LPP: variants seen among roughly 807,000 people sequenced by gnomAD.
LPP encodes lipoma-preferred partner.
In LPP, 38 loss-of-function variants were observed where a neutral mutation model predicts 60.4. That is an observed-to-expected ratio of 0.63 (90% CI 0.49 to 0.83). The LOEUF is 0.83. Ranked by LOEUF, LPP falls within the 40% of genes least tolerant of loss-of-function variation. The pLI is 0.00. For synonymous variants in LPP, 328 were observed against 290.8 expected (o/e 1.13, Z -1.30); for missense variants, 902 against 783.6 (o/e 1.15, Z -1.80).
At chr3:188,535,367 G>A (rs1238847955) in intron 6 of LPP, among the ~76,000 whole-genome samples, 1 of 152,132 alleles carries the variant, frequency 6.6e-6, no homozygotes, top group Non-Finnish European at 1.5e-5. Flanking sequence ...ATTGTGATGA[G>A]TACCAGACTG....
chr3:188,334,247 C>T (rs1760958691), intron 2 of LPP, among the ~76,000 whole-genome samples: 1 of 152,010 alleles, frequency 6.6e-6, no homozygotes, highest in African/African-American at 2.4e-5. Context: ...ATATATAACA[C>T]ATTTTCTTTG....
chr3:188,399,073 G>A (rs1781627318), intron 3 of LPP, among the ~76,000 whole-genome samples: 1 of 152,200 alleles, frequency 6.6e-6, no homozygotes, highest in Non-Finnish European at 1.5e-5. Flanking sequence ...AAAAGCTTGT[G>A]AGCAGAGTTG....
chr3:188,566,575 C>T (rs1832225575), intron 6 of LPP, among the ~76,000 whole-genome samples: 1 of 151,880 alleles, frequency 6.6e-6, no homozygotes, highest in Non-Finnish European at 1.5e-5. Context: ...CCAACTCTCC[C>T]TCCAACATTC....
At chr3:188,808,081 T>A (rs560371395) in intron 9 of LPP, among the ~76,000 whole-genome samples, 1 of 152,262 alleles carries the variant, frequency 6.6e-6, no homozygotes, top group African/African-American at 2.4e-5. Context: ...TTTGTTGTTG[T>A]TGTTGCTGTG....
intron 11 of LPP, among the ~76,000 whole-genome samples, chr3:188,873,198 C>T (rs1768613469): frequency 6.6e-6 from 1 of 152,144 alleles, no homozygotes; most frequent in South Asian, 2.1e-4. Context: ...TCCTGAACGC[C>T]TCTAGAGCTG....
At chr3:188,849,045 A>C (rs1225306167) in intron 9 of LPP, among the ~76,000 whole-genome samples, 2 of 152,162 alleles carry the variant, frequency 1.3e-5, no homozygotes, top group African/African-American at 2.4e-5. Context: ...ATAATTAAAC[A>C]ATGCTTGCTT....
chr3:188,833,977 T>C (rs931829843), intron 9 of LPP, among the ~76,000 whole-genome samples: 4 of 152,210 alleles, frequency 2.6e-5, no homozygotes, highest in Non-Finnish European at 4.4e-5. Flanking sequence ...CATTTTATTG[T>C]AAGTTTATTT....
intron 4 of LPP, among the ~76,000 whole-genome samples, chr3:188,460,344 A>G (rs1192019467): frequency 6.6e-6 from 1 of 152,200 alleles, no homozygotes; most frequent in Admixed American, 6.6e-5. Context: ...CAAAGAGATC[A>G]AGCAAGATAA....
chr3:188,878,623 A>C lies in LPP; in HGVS notation c.*4144A>C. On this transcript the variant is annotated 3_prime_UTR_variant, in exon 12 of 12. Transcript: ENST00000617246. ...CGTTTGGTGCACTCTCGTGGGAGAC[A>C]ATCAGAGAACAACATATACTTGTGC... The C allele has an allele frequency of 4.8e-6, 1 of 208,074 alleles. No individual in the cohort carries two copies. The highest frequency in any genetic ancestry group is 9.8e-6 in the Non-Finnish European group (1 of 101,740). 12.9% of individuals were successfully genotyped at this position (208,074 alleles called of 1,614,324 possible).
intron 2 of LPP, chr3:188,239,880 C>A (rs1233428948): frequency 4.8e-6 from 1 of 210,172 alleles, no homozygotes; most frequent in Non-Finnish European, 9.7e-6. Flanking sequence ...TATTTGCTTT[C>A]ATTTCTAATG....
intron 7 of LPP, among the ~76,000 whole-genome samples, chr3:188,667,464 C>T (rs528474579): frequency 1.2e-4 from 18 of 144,640 alleles, no homozygotes; most frequent in Admixed American, 1.2e-3. Flanking sequence ...GGTGACAGAG[C>T]GATACTCTGT....
intron 3 of LPP, among the ~76,000 whole-genome samples, chr3:188,405,141 G>A (rs1363057218): frequency 6.6e-6 from 1 of 152,168 alleles, no homozygotes; most frequent in African/African-American, 2.4e-5. Flanking sequence ...TGCATTACAT[G>A]TGTTGAATAT....
At chr3:188,818,941 G>T (rs1038987834) in intron 9 of LPP, among the ~76,000 whole-genome samples, 7 of 151,796 alleles carry the variant, frequency 4.6e-5, no homozygotes, top group African/African-American at 1.5e-4. Context: ...GAAGATAATT[G>T]TCTGGTAATT....
chr3:188,257,354 G>A (rs1157702680), intron 2 of LPP, among the ~76,000 whole-genome samples: 1 of 152,188 alleles, frequency 6.6e-6, no homozygotes, highest in African/African-American at 2.4e-5. Flanking sequence ...CCTGCACAGT[G>A]AGGGTGACGG....
At chr3:188,592,742 A>G (rs1839174339) in intron 6 of LPP, among the ~76,000 whole-genome samples, 2 of 151,574 alleles carry the variant, frequency 1.3e-5, no homozygotes, top group African/African-American at 4.8e-5. Flanking sequence ...GGGTTTCACT[A>G]TGTTGGCCAG....
intron 5 of LPP, among the ~76,000 whole-genome samples, chr3:188,512,821 G>T (rs1375963608): frequency 2.6e-5 from 4 of 152,164 alleles, no homozygotes; most frequent in Admixed American, 6.5e-5. Context: ...GGGAATGTGA[G>T]AAAGTGGCTT....
chr3:188,363,405 AT>A (rs1240843362), intron 3 of LPP, among the ~76,000 whole-genome samples: 1 of 152,198 alleles, frequency 6.6e-6, no homozygotes, highest in African/African-American at 2.4e-5. Context: ...GTGAGTTCCA[AT>A]TTGAGGAAAT....
intron 9 of LPP, among the ~76,000 whole-genome samples, chr3:188,809,534 G>GT (rs999592417): frequency 1.3e-5 from 2 of 151,856 alleles, no homozygotes; most frequent in Non-Finnish European, 2.9e-5. Context: ...AAGTTGTTTG[G>GT]TTTTTTCTTA....
rs1283991936 is a variant in LPP at position 188,294,122 on chromosome 3, A to T, written c.-66-47541A>T. Among the ~76,000 whole-genome samples, 14 of 146,920 alleles carry T rather than the reference A, an allele frequency of 9.5e-5. No individual in the cohort carries two copies. In the Admixed American group the frequency reaches 9.6e-4, roughly 10 times the overall value. ...GACCACATATTATATGATTCCATTT[A>T]TGTGAAAAGCCCACAATAGGCAAAT... On this transcript the variant is annotated intron_variant, in intron 2 of 11. Transcript: ENST00000617246.
Sources: gnomAD v4.1 joint callset for allele counts (sites outside exome capture counted in the v4.1 genomes callset) on GRCh38, gnomAD v4.1.1 for gene constraint, MANE v1.5 for transcripts, NCBI Gene and HGNC (gene_info 2026-07-23, HGNC 2026-07-21) for gene names.